Variants in DCN observed in about 807,000 individuals in gnomAD.
The protein encoded by DCN is decorin, also known as bone proteoglycan II.
A neutral mutation model predicts 36.5 loss-of-function variants in DCN; 17 were observed. The observed-to-expected ratio is 0.47, with a 90% confidence interval of 0.32 to 0.70. The LOEUF (loss-of-function observed/expected upper bound fraction) is 0.70, where lower values mean the gene tolerates loss of function less well. DCN is among the 30% of genes least tolerant of loss of function. The pLI is 0.04. For missense variants in DCN, 389 were observed against 430.1 expected (o/e 0.90, Z 0.84); for synonymous variants, 163 against 161.4 (o/e 1.01, Z -0.07).
intron 4 of DCN, 128 bp from the exon 5 acceptor site, chr12:91,157,316 G>A (rs909842116): frequency 8.2e-6 from 6 of 729,140 alleles, no homozygotes; most frequent in Non-Finnish European, 1.2e-5. Context: ...AAAAACAAAA[G>A]TGAAGTTAAA....
chr12:91,172,809 G>T (rs899287953), intron 2 of DCN: 1 of 694,786 alleles, frequency 1.4e-6, no homozygotes, highest in Admixed American at 2.0e-5. Flanking sequence ...AGTCTACAAA[G>T]TATAAGGCAG....
intron 2 of DCN, chr12:91,175,380 T>C (rs1057481643): frequency 1.3e-5 from 2 of 151,740 alleles, no homozygotes; most frequent in African/African-American, 4.8e-5. Flanking sequence ...CTGTGATAAA[T>C]TAGAATTAGG....
At chr12:91,158,247 T>G in intron 4 of DCN, 49 bp downstream of exon 4, 2 of 1,184,276 alleles carry the variant, frequency 1.7e-6, no homozygotes, top group Non-Finnish European at 2.5e-6. Context: ...TGAAATCTCT[T>G]AAGATAAAAA....
chr12:91,179,696 T>C (rs1012448869), intron 1 of DCN: 4 of 152,154 alleles, frequency 2.6e-5, no homozygotes, highest in African/African-American at 9.7e-5. Context: ...TCTGATTTTT[T>C]AAAACACAAA....
intron 7 of DCN, among the ~76,000 whole-genome samples, chr12:91,147,407 G>A (rs1213656181): frequency 6.6e-6 from 1 of 152,114 alleles, no homozygotes; most frequent in Non-Finnish European, 1.5e-5. Flanking sequence ...TTTCTTCATA[G>A]CATTATCAAT....
intron 2 of DCN, among the ~76,000 whole-genome samples, chr12:91,168,765 TTACTATCAAA>T (rs981659708): frequency 3.9e-5 from 6 of 152,230 alleles, no homozygotes; most frequent in African/African-American, 1.4e-4. Context: ...TGAATGCTAC[TTACTATCAAA>T]TATGTCATTC....
chr12:91,168,705 A>G (rs1332306171), intron 2 of DCN, among the ~76,000 whole-genome samples: 1 of 152,238 alleles, frequency 6.6e-6, no homozygotes, highest in Admixed American at 6.5e-5. Context: ...TTAGGATACA[A>G]CTGGTTATAA....
Position 91,145,087 on chromosome 12 carries a change from G to C in DCN, c.*971C>G, listed in dbSNP as rs773448822. On this transcript the variant is annotated 3_prime_UTR_variant, in exon 8 of 8. Transcript: ENST00000052754. ...TGTTGATAGCACAAATGTACAATTT[G>C]ATAAATGTTTACTGTAAGTAAATCA... The C allele has an allele frequency of 6.6e-6, 1 of 152,138 alleles. No individual in the cohort carries two copies. The highest frequency in any genetic ancestry group is 2.1e-4 in the South Asian group (1 of 4,828). 9.4% of individuals were successfully genotyped at this position (152,138 alleles called of 1,614,324 possible). A position where few individuals can be genotyped will look rare whatever the true frequency, so the allele number is the denominator to read the frequency against.
chr12:91,161,375 T>A (rs547261630), intron 3 of DCN, among the ~76,000 whole-genome samples: 7 of 152,350 alleles, frequency 4.6e-5, no homozygotes, highest in South Asian at 4.1e-4. Flanking sequence ...ACAGTAAGAA[T>A]GTTTCATCCT....
chr12:91,172,144 G>C (rs912390764), intron 2 of DCN: 3 of 144,510 alleles, frequency 2.1e-5, no homozygotes, highest in African/African-American at 8.5e-5. Context: ...GTAAGAAATA[G>C]ACTTCTTTTT....
At chr12:91,148,162 C>T (rs1881155117) in intron 7 of DCN, among the ~76,000 whole-genome samples, 1 of 151,940 alleles carries the variant, frequency 6.6e-6, no homozygotes, top group Admixed American at 6.6e-5. Context: ...CAAGCTCCGC[C>T]TCCCGGGTTC....
rs1252089708 is a variant in DCN at position 91,141,646 on chromosome 12, G to A, written c.*4412C>T. 1 of 152,114 alleles carries A rather than the reference G, an allele frequency of 6.6e-6. No homozygotes were observed. The highest frequency in any genetic ancestry group is 1.5e-5 in the Non-Finnish European group (1 of 68,010). 9.4% of individuals were successfully genotyped at this position (152,114 alleles called of 1,614,324 possible). A position where few individuals can be genotyped will look rare whatever the true frequency, so the allele number is the denominator to read the frequency against. On this transcript the variant is annotated 3_prime_UTR_variant, in exon 8 of 8. Coordinates refer to ENST00000052754, the MANE Select transcript of DCN (RefSeq NM_001920.5). ...ATTGGCTGAAAAAATGAAGTAATATGTGCTAGTAGATATATCTGATCAAGA... is the reference window on the plus strand; with the variant it reads ...ATTGGCTGAAAAAATGAAGTAATATATGCTAGTAGATATATCTGATCAAGA...
At chr12:91,156,282 C>G (rs1592685869) in intron 5 of DCN, among the ~76,000 whole-genome samples, 1 of 152,214 alleles carries the variant, frequency 6.6e-6, no homozygotes. Flanking sequence ...ATATCCTGTT[C>G]CCTGCCCTGT....
Position 91,175,430 on chromosome 12 carries a change from T to C in DCN, c.211+2912A>G, listed in dbSNP as rs546731290. On this transcript the variant is annotated intron_variant, in intron 2 of 7. Coordinates refer to ENST00000052754, the MANE Select transcript of DCN (RefSeq NM_001920.5). The stretch of plus-strand genomic sequence containing the variant: ...ATGCATTTTTCCAGAGGCATCAAAT[T>C]ATCCTGCAGAGTAATTACATAATTT... The C allele has an allele frequency of 2.0e-5, 3 of 152,204 alleles. No individual in the cohort carries two copies. In the East Asian group the frequency reaches 5.8e-4, roughly 29 times the overall value. 9.4% of individuals were successfully genotyped at this position (152,204 alleles called of 1,614,324 possible).
chr12:91,156,311 C>T (rs1306276904), intron 5 of DCN, among the ~76,000 whole-genome samples: 1 of 152,078 alleles, frequency 6.6e-6, no homozygotes, highest in African/African-American at 2.4e-5. Flanking sequence ...TTTGGTACAT[C>T]GCCTACACAT....
intron 2 of DCN, among the ~76,000 whole-genome samples, chr12:91,171,736 C>T (rs770419067): frequency 6.6e-6 from 1 of 152,186 alleles, no homozygotes; most frequent in Non-Finnish European, 1.5e-5. Flanking sequence ...CCCAGGCTAG[C>T]CTTCTTAAGA....
intron 2 of DCN, 82 bp downstream of exon 2, chr12:91,178,260 C>G: frequency 8.0e-7 from 1 of 1,256,698 alleles, no homozygotes; most frequent in Non-Finnish European, 1.2e-6. Flanking sequence ...GAGATTAAAA[C>G]TGAAAATGCT....
At chr12:91,172,231 ACAT>A (rs1275206971) in intron 2 of DCN, 2 of 152,444 alleles carry the variant, frequency 1.3e-5, no homozygotes, top group South Asian at 2.1e-4. Flanking sequence ...AATCTGGTAA[ACAT>A]CATGTTGGAC....
At chr12:91,153,926 G>A (rs1267435533) in intron 5 of DCN, among the ~76,000 whole-genome samples, 3 of 151,968 alleles carry the variant, frequency 2.0e-5, no homozygotes, top group Admixed American at 2.0e-4. Context: ...AAATATAAAA[G>A]TTTAAATATT....
Sources: allele counts gnomAD v4.1 joint callset (sites outside exome capture counted in the v4.1 genomes callset), GRCh38; gene constraint gnomAD v4.1.1; transcripts MANE v1.5; gene names NCBI Gene and HGNC (gene_info 2026-07-23, HGNC 2026-07-21).